The following ALG6 variants were observed in gnomAD, a reference collection of about 807,000 sequenced individuals.
ALG6 encodes ALG6 alpha-1,3-glucosyltransferase, also known as dolichyl pyrophosphate Man9GlcNAc2 alpha-1,3-glucosyltransferase.
Under a neutral mutation model 66.6 loss-of-function variants are expected in ALG6, and 46 were observed. That is an observed-to-expected ratio of 0.69 (90% confidence interval 0.55 to 0.88). The LOEUF (loss-of-function observed/expected upper bound fraction) is 0.88. Among genes scored for constraint, ALG6 ranks in the 40% least tolerant of loss-of-function variants. The pLI, the probability that ALG6 is intolerant of heterozygous loss-of-function variation, is 0.00. For missense variants in ALG6, 505 were observed against 586.8 expected (o/e 0.86, Z 1.44); for synonymous variants, 185 against 203.7 (o/e 0.91, Z 0.78).
intron 12 of ALG6, chr1:63,428,468 G>A (rs1306768321): frequency 6.6e-6 from 2 of 301,618 alleles, no homozygotes; most frequent in Non-Finnish European, 1.2e-5. Context: ...TTGTTTGTAT[G>A]ATAGAGAAAA....
At chr1:63,415,565 C>A (rs1287749019) in intron 10 of ALG6, among the ~76,000 whole-genome samples, 1 of 152,018 alleles carries the variant, frequency 6.6e-6, no homozygotes, top group Admixed American at 6.6e-5. Flanking sequence ...TGATAATTGA[C>A]CTTCAACTAT....
intron 14 of ALG6, 34 bp from the exon 15 acceptor site, chr1:63,436,789 T>C: frequency 6.3e-7 from 1 of 1,599,760 alleles, no homozygotes; most frequent in East Asian, 2.2e-5. Flanking sequence ...ATTTCACCTT[T>C]TATACTACTC....
intron 2 of ALG6, among the ~76,000 whole-genome samples, chr1:63,385,248 G>A (rs1189458709): frequency 7.8e-6 from 1 of 128,544 alleles, no homozygotes; most frequent in Non-Finnish European, 1.6e-5. Flanking sequence ...CACCCAGGCT[G>A]GAGTGCAATG....
chr1:63,424,165 G>C (rs994746509), intron 12 of ALG6, among the ~76,000 whole-genome samples: 2 of 151,798 alleles, frequency 1.3e-5, no homozygotes, highest in African/African-American at 4.8e-5. Flanking sequence ...TTTTGAGACG[G>C]AGTCTCGCTC....
rs1019303152 is a variant in ALG6 at position 63,438,059 on chromosome 1, C to T, written c.*1039C>T. 2.0e-5 allele frequency: 3 copies of T among 152,076 alleles called. No homozygotes were observed. The East Asian group carries it at 5.8e-4, about 29-fold the overall frequency. The allele number at this position is 152,076 out of a possible 1,614,324, so 9.4% of individuals were successfully genotyped here. On this transcript the variant is annotated 3_prime_UTR_variant, in exon 15 of 15. Coordinates refer to ENST00000263440, the MANE Select transcript of ALG6 (RefSeq NM_013339.4). The stretch of plus-strand genomic sequence containing the variant: ...TCAACATTTTTTAAGGAATATATTT[C>T]TTCTTTCATAAGATAGCCATTAAAC...
intron 3 of ALG6, among the ~76,000 whole-genome samples, chr1:63,397,651 C>A (rs368456890): frequency 1.3e-5 from 2 of 152,162 alleles, no homozygotes; most frequent in African/African-American, 4.8e-5. Context: ...TTATTGCTCT[C>A]TATCATAATT....
At chr1:63,424,286 G>C (rs9436668) in intron 12 of ALG6, among the ~76,000 whole-genome samples, 2 of 152,000 alleles carry the variant, frequency 1.3e-5, no homozygotes, top group East Asian at 1.9e-4. Context: ...GACTACAGGC[G>C]CGTGCCACCA....
intron 2 of ALG6, among the ~76,000 whole-genome samples, chr1:63,385,991 C>T (rs531214753): frequency 6.6e-6 from 1 of 152,196 alleles, no homozygotes; most frequent in East Asian, 1.9e-4. Flanking sequence ...TATGTTTTTT[C>T]TAAACTCAAT....
Position 63,402,237 on chromosome 1 carries a change from CT to C in ALG6, c.168-10del. 2.7e-6 allele frequency: 4 copies of C among 1,485,104 alleles called. No homozygotes were observed. The highest frequency in any genetic ancestry group is 1.9e-6 in the Non-Finnish European group (2 of 1,063,550). 92.0% of individuals were successfully genotyped at this position (1,485,104 alleles called of 1,614,324 possible). On this transcript the variant is annotated splice_polypyrimidine_tract_variant and intron_variant, in intron 3 of 14. Coordinates refer to ENST00000263440, the MANE Select transcript of ALG6 (RefSeq NM_013339.4). ...TTGATTAACGGAATGGTGCTTTCTT[CT>C]TTTTTTCTTTTTCAGGTATTTTAAC...
intron 5 of ALG6, among the ~76,000 whole-genome samples, chr1:63,405,673 A>G (rs1644486374): frequency 6.6e-6 from 1 of 152,114 alleles, no homozygotes. Flanking sequence ...TTCAGTTGAT[A>G]GATTGATAGT....
intron 2 of ALG6, among the ~76,000 whole-genome samples, chr1:63,373,926 C>T (rs1648024536): frequency 6.6e-6 from 1 of 152,020 alleles, no homozygotes; most frequent in Admixed American, 6.6e-5. Context: ...CCAATTTTTT[C>T]AAATACTCTG....
rs188202751 is a variant in ALG6, at chr1:63,410,612, A to T, written c.495-534A>T. ...ATTTTAAGAGTCTCTCGGGAAGGAG[A>T]GGAGGTAAACATTAGTGCCTAGCTC... On this transcript the variant is annotated intron_variant, in intron 7 of 14. Transcript: ENST00000263440. Among the ~76,000 whole-genome samples, 23 of 152,264 alleles carry T rather than the reference A, an allele frequency of 1.5e-4. 1 individual carries two copies. In the East Asian group the frequency reaches 4.4e-3, roughly 29 times the overall value.
At chr1:63,401,636 C>CA (rs1486086385) in intron 3 of ALG6, among the ~76,000 whole-genome samples, 1 of 151,020 alleles carries the variant, frequency 6.6e-6, no homozygotes, top group East Asian at 1.9e-4. Context: ...GAGATTGCGC[C>CA]ACTGCACTCC....
At chr1:63,389,946 T>TC (rs1267152425) in intron 2 of ALG6, among the ~76,000 whole-genome samples, 1 of 152,196 alleles carries the variant, frequency 6.6e-6, no homozygotes, top group Admixed American at 6.5e-5. Flanking sequence ...AGTCTGTCTC[T>TC]CCATGTTGAG....
chr1:63,406,023 C>T (rs1278557123), intron 5 of ALG6, among the ~76,000 whole-genome samples: 1 of 151,906 alleles, frequency 6.6e-6, no homozygotes, highest in African/African-American at 2.4e-5. Flanking sequence ...AAAATATTTC[C>T]TTGCTTTGAA....
At chr1:63,421,784 A>T (rs903685396) in intron 12 of ALG6, among the ~76,000 whole-genome samples, 9 of 151,746 alleles carry the variant, frequency 5.9e-5, no homozygotes. Flanking sequence ...CAGAAAACCA[A>T]ACACCACGTG....
At chr1:63,389,495 T>G (rs1335628190) in intron 2 of ALG6, among the ~76,000 whole-genome samples, 2 of 152,206 alleles carry the variant, frequency 1.3e-5, no homozygotes, top group Non-Finnish European at 2.9e-5. Context: ...ATATCTTGAA[T>G]TTTTTGAGTT....
At chr1:63,432,729 A>G (rs1013027605) in intron 14 of ALG6, among the ~76,000 whole-genome samples, 1 of 152,222 alleles carries the variant, frequency 6.6e-6, no homozygotes, top group African/African-American at 2.4e-5. Context: ...GAATAAGTAT[A>G]TAAGCTCCAC....
chr1:63,371,178 T>C (rs1647914721), intron 2 of ALG6, 119 bp downstream of exon 2: 1 of 701,800 alleles, frequency 1.4e-6, no homozygotes, highest in Admixed American at 2.4e-5. Flanking sequence ...CTTTTTGATA[T>C]GGTTGAGAAA....
Sources: allele counts gnomAD v4.1 joint callset (sites outside exome capture counted in the v4.1 genomes callset), GRCh38; gene constraint gnomAD v4.1.1; transcripts MANE v1.5; gene names NCBI Gene and HGNC (gene_info 2026-07-23, HGNC 2026-07-21).